The following FAT3 variants were observed in gnomAD, a reference collection of about 807,000 sequenced individuals.
The protein encoded by FAT3 is FAT atypical cadherin 3, also known as protocadherin Fat 3.
In FAT3, 95 loss-of-function variants were observed where a neutral mutation model predicts 310.2. That is an observed-to-expected ratio of 0.31 (90% CI 0.26 to 0.36). The LOEUF (loss-of-function observed/expected upper bound fraction) is 0.36. Among genes scored for constraint, FAT3 ranks in the 10% least tolerant of loss-of-function variants. The pLI, the probability that FAT3 is intolerant of heterozygous loss-of-function variation, is 1.00. For missense variants in FAT3, 5,408 were observed against 5,715.6 expected (o/e 0.95, Z 1.74); for synonymous variants, 2,314 against 2,192.9 (o/e 1.06, Z -1.54).
chr11:92,854,996 A>T (rs1460848920), intron 19 of FAT3, among the ~76,000 whole-genome samples: 1 of 152,352 alleles, frequency 6.6e-6, no homozygotes, highest in East Asian at 1.9e-4. Context: ...TGCCCAAGTA[A>T]CTCAGAAGTT....
intron 1 of FAT3, among the ~76,000 whole-genome samples, chr11:92,240,591 C>T (rs1486788687): frequency 7.2e-6 from 1 of 138,758 alleles, no homozygotes; most frequent in Non-Finnish European, 1.6e-5. Context: ...AAAAAAAACC[C>T]AAAAAACCAA....
At chr11:92,795,435 G>A (rs1282726374) in intron 9 of FAT3, among the ~76,000 whole-genome samples, 2 of 151,846 alleles carry the variant, frequency 1.3e-5, no homozygotes, top group East Asian at 3.9e-4. Context: ...ACAAACAGAG[G>A]CCAATTTTTC....
chr11:92,263,650 T>TAGAG (rs149529605), intron 1 of FAT3, among the ~76,000 whole-genome samples: 2 of 148,900 alleles, frequency 1.3e-5, no homozygotes, highest in African/African-American at 5.0e-5. Context: ...TATATATATA[T>TAGAG]ATATAGAGAG....
At chr11:92,764,537 T>G (rs1032207599) in intron 5 of FAT3, among the ~76,000 whole-genome samples, 2 of 152,212 alleles carry the variant, frequency 1.3e-5, no homozygotes, top group Non-Finnish European at 2.9e-5. Context: ...CTTAGGATCA[T>G]GCTCTCAGGA....
At chr11:92,706,183 A>T (rs1393056185) in intron 4 of FAT3, among the ~76,000 whole-genome samples, 1 of 151,990 alleles carries the variant, frequency 6.6e-6, no homozygotes, top group Non-Finnish European at 1.5e-5. Context: ...CCAGGTTAGT[A>T]TGGGCCCTTA....
At chr11:92,615,221 TA>T (rs1215036966) in intron 3 of FAT3, among the ~76,000 whole-genome samples, 55 of 152,172 alleles carry the variant, frequency 3.6e-4, no homozygotes, top group Non-Finnish European at 5.0e-4. Context: ...ATCAACTTGT[TA>T]ATTTCTTTTC....
intron 3 of FAT3, among the ~76,000 whole-genome samples, chr11:92,561,322 C>A (rs1009210926): frequency 1.3e-5 from 2 of 150,632 alleles, no homozygotes; most frequent in African/African-American, 4.9e-5. Flanking sequence ...TGATGCTTAC[C>A]TACCTTATGT....
At chr11:92,573,237 G>A (rs955939043) in intron 3 of FAT3, among the ~76,000 whole-genome samples, 10 of 152,068 alleles carry the variant, frequency 6.6e-5, no homozygotes, top group African/African-American at 2.4e-4. Context: ...TAGGTGTGCC[G>A]TGGGATGACC....
chr11:92,506,395 A>T (rs1196175653), intron 2 of FAT3, among the ~76,000 whole-genome samples: 1 of 152,154 alleles, frequency 6.6e-6, no homozygotes, highest in African/African-American at 2.4e-5. Flanking sequence ...ATATTGAGGA[A>T]TACCTCCACA....
chr11:92,627,224 G>A (rs957089893), intron 3 of FAT3, among the ~76,000 whole-genome samples: 2 of 152,154 alleles, frequency 1.3e-5, no homozygotes, highest in African/African-American at 4.8e-5. Context: ...TTATATAAAG[G>A]TTAGTAAGAA....
intron 3 of FAT3, among the ~76,000 whole-genome samples, chr11:92,657,155 G>A (rs532071862): frequency 1.4e-4 from 21 of 152,210 alleles, no homozygotes; most frequent in Admixed American, 5.9e-4. Context: ...AAGCATGCCC[G>A]TTTTCCAGTG....
chr11:92,831,487 G>GAGCCACAGCTCTACAAACAGAC (rs1948248883), intron 13 of FAT3, 135 bp from the exon 14 acceptor site: 1 of 663,472 alleles, frequency 1.5e-6, no homozygotes. Flanking sequence ...CATTTTTGTA[G>GAGCCACAGCTCTACAAACAGAC]AGCCACAGCT....
intron 1 of FAT3, among the ~76,000 whole-genome samples, chr11:92,318,929 G>A (rs1947536502): frequency 6.6e-6 from 1 of 152,186 alleles, no homozygotes; most frequent in Admixed American, 6.5e-5. Context: ...TGTGCTGAAT[G>A]TGGAATTCAC....
rs146300877 is a variant in FAT3 at position 92,460,408 on chromosome 11, C to T, written c.3293-64226C>T. 9.2e-3 allele frequency among the ~76,000 whole-genome samples: 1,403 copies of T among 152,250 alleles called. 63 individuals carry two copies. Among genetic ancestry groups the T allele is most frequent in the Admixed American group, 0.079 (1,203 of 15,298 alleles). Reference sequence around the variant, plus strand: ...CACAGGTCCAGCTCTAACCCACAGGCGAACGGCAGGGCTGGACTAATTACG... The same window carrying T: ...CACAGGTCCAGCTCTAACCCACAGGTGAACGGCAGGGCTGGACTAATTACG... On this transcript the variant is annotated intron_variant, in intron 2 of 27. Transcript: ENST00000525166.
chr11:92,229,519 T>TTTTTTTTTTTC (rs1864079526), intron 1 of FAT3, among the ~76,000 whole-genome samples: 3 of 130,822 alleles, frequency 2.3e-5, no homozygotes, highest in African/African-American at 5.4e-5. Flanking sequence ...TTTTTGTTTT[T>TTTTTTTTTTTC]TTTTACATTG....
Position 92,307,322 on chromosome 11 carries a change from T to C in FAT3, c.-17-44774T>C, listed in dbSNP as rs140620090. On this transcript the variant is annotated intron_variant, in intron 1 of 27. Transcript: ENST00000525166. ...ATCATGTTGAAGCTGGAATAGAATA[T>C]TTCAAAAGTTTTCCTTTGTTTAATT... Among the ~76,000 whole-genome samples the C allele has an allele frequency of 1.9e-3, 291 of 152,246 alleles. 1 individual carries two copies. The highest frequency in any genetic ancestry group is 6.6e-3 in the African/African-American group (273 of 41,544).
At chr11:92,362,712 G>A (rs1274249377) in intron 2 of FAT3, among the ~76,000 whole-genome samples, 4 of 152,144 alleles carry the variant, frequency 2.6e-5, no homozygotes, top group Non-Finnish European at 5.9e-5. Context: ...CCCAGTTTGA[G>A]TGTGCCATCT....
At chr11:92,790,258 T>C (rs762871780) in intron 8 of FAT3, 40 bp downstream of exon 8, 1 of 1,602,510 alleles carries the variant, frequency 6.2e-7, no homozygotes, top group South Asian at 1.1e-5. Flanking sequence ...ACAGAACCAC[T>C]GACTGTTCAG....
At chr11:92,659,914 T>A (rs1193500145) in intron 3 of FAT3, among the ~76,000 whole-genome samples, 2 of 152,116 alleles carry the variant, frequency 1.3e-5, no homozygotes, top group Non-Finnish European at 2.9e-5. Context: ...CTGAGGGAAG[T>A]TGAAAAGGTA....
Sources: gnomAD v4.1 joint callset for allele counts (sites outside exome capture counted in the v4.1 genomes callset) on GRCh38, gnomAD v4.1.1 for gene constraint, MANE v1.5 for transcripts, NCBI Gene and HGNC (gene_info 2026-07-23, HGNC 2026-07-21) for gene names.